SALL1: variants seen among roughly 807,000 people sequenced by gnomAD.
SALL1 encodes spalt like transcription factor 1.
SALL1 carries 10 observed loss-of-function variants against 73.1 expected under a neutral mutation model. The observed-to-expected ratio is 0.14, with a 90% CI of 0.08 to 0.23. The LOEUF (loss-of-function observed/expected upper bound fraction) is 0.23, where lower values mean the gene tolerates loss of function less well. Among genes scored for constraint, SALL1 ranks in the 10% least tolerant of loss-of-function variants. The pLI is 1.00. For synonymous variants in SALL1, 688 were observed against 689.8 expected (o/e 1.00, Z 0.04); for missense variants, 1,520 against 1,697.3 (o/e 0.90, Z 1.84).
chr16:51,151,083 G>T, intron 1 of SALL1, 83 bp downstream of exon 1: 1 of 988,496 alleles, frequency 1.0e-6, no homozygotes, highest in Non-Finnish European at 1.4e-6. Context: ...GGGGCGCGGG[G>T]GCCAGCCGCG....
chr16:51,141,540 C>G lies in SALL1; in HGVS notation c.682G>C (p.Ala228Pro). 1 of 1,614,054 alleles carries G rather than the reference C, an allele frequency of 6.2e-7. No individual in the cohort carries two copies. Among genetic ancestry groups the G allele is most frequent in the East Asian group, 2.2e-5 (1 of 44,878 alleles). ...AGAGCTAGGAGTTGTTCCATGAGGG[C>G]TGGGACGGCCAGCTTGCCCCCAGAG... ...GASGGKLAVP[A>P]LMEQLLALQQ... is the part of the protein sequence containing the mutation. Residue 228 changes from alanine (A) to proline (P), a missense_variant, in exon 2 of 3, where the codon GCC becomes CCC. This residue lies in a region of SALL1 where 540 missense variants were observed against 567.5 expected (regional missense o/e 0.95). Coordinates refer to ENST00000251020, the MANE Select transcript of SALL1 (RefSeq NM_002968.3). This position sits in a 1 kb window ranked among gnomAD's most constrained non-coding sequence, Gnocchi z 5.4.
At position 51,138,974 on chromosome 16, in the gene SALL1, G is replaced by A. The variant is rs1217026855; in HGVS notation, c.3248C>T (p.Ser1083Phe). 23 of 1,614,064 alleles carry A rather than the reference G, an allele frequency of 1.4e-5. No individual in the cohort carries two copies. The highest frequency in any genetic ancestry group is 1.9e-5 in the Non-Finnish European group (23 of 1,180,050). ...SAVIPANSLS[S>F]LIKTEVNGFV... ...GCCGTTGACCTCTGTCTTGATGAGA[G>A]ATGACAACGAGTTGGCGGGAATCAC... The change falls in exon 2 of 3, where the codon TCT becomes TTT. Residue 1083 changes from serine to phenylalanine, a missense_variant. Ser to Phe is a radical substitution (Grantham distance 155, BLOSUM62 -2). Around this residue, in one of 7 missense-constraint regions of SALL1, gnomAD observed 318 missense variants for 357.1 expected, o/e 0.89. Coordinates refer to ENST00000251020, the MANE Select transcript of SALL1 (RefSeq NM_002968.3).
intron 1 of SALL1, among the ~76,000 whole-genome samples, chr16:51,148,886 A>C (rs770532097): frequency 4.1e-4 from 63 of 152,218 alleles, no homozygotes; most frequent in Non-Finnish European, 7.5e-4. Flanking sequence ...CTACTGAAGA[A>C]AAAGAGGAGG....
chr16:51,147,113 T>C (rs1165262001), intron 1 of SALL1, among the ~76,000 whole-genome samples: 3 of 152,358 alleles, frequency 2.0e-5, no homozygotes, highest in Middle Eastern at 3.4e-3. Context: ...GACAACTTGC[T>C]ACCTCCAAAA....
chr16:51,143,408 G>T, intron 1 of SALL1: 1 of 231,298 alleles, frequency 4.3e-6, no homozygotes, highest in Non-Finnish European at 8.3e-6. Context: ...ATCTACGAAG[G>T]CTGTGAAGAA....
In SALL1 at chr16:51,139,243, T is replaced by G; in HGVS notation, c.2979A>C (p.Arg993Ser). The G allele has an allele frequency of 6.2e-7, 1 of 1,614,194 alleles. No homozygotes were observed. ...CAGTGTTTTTAAATTTACCCCGGTCTCTAAAAGGGAAGAGGATCCCCAAAG... is the reference window on the plus strand; with the variant it reads ...CAGTGTTTTTAAATTTACCCCGGTCGCTAAAAGGGAAGAGGATCCCCAAAG... ...EDSLGILFPFRDRGKFKNTAC... is the reference protein window; with the variant it reads ...EDSLGILFPFSDRGKFKNTAC... The change falls in exon 2 of 3, where the codon AGA (arginine) becomes AGC (serine). Residue 993 changes from arginine to serine, a missense_variant. By Grantham distance (110) the Arg-to-Ser change is moderately radical. Coordinates refer to ENST00000251020, the MANE Select transcript of SALL1 (RefSeq NM_002968.3).
At position 51,138,765 on chromosome 16, in the gene SALL1, C is replaced by G. The variant is rs141064360; in HGVS notation, c.3457G>C (p.Glu1153Gln). Residue 1153 changes from glutamate (E) to glutamine (Q), a missense_variant, in exon 2 of 3, where the codon GAG becomes CAG. By Grantham distance (29) the Glu-to-Gln change is conservative (BLOSUM62 2). Transcript: ENST00000251020. ...GGTTTCTCTCCAGTGTGAGTTCTCT[C>G]GTGAATCTGCAGGGCACTCGATGAG... ...FSSSSALQIH[E>Q]RTHTGEKPFA... 1 of 1,614,144 alleles carries G rather than the reference C, an allele frequency of 6.2e-7. No homozygotes were observed. Among genetic ancestry groups the G allele is most frequent in the South Asian group, 1.1e-5 (1 of 91,076 alleles).
intron 1 of SALL1, chr16:51,150,742 C>T: frequency 5.9e-6 from 2 of 337,380 alleles, no homozygotes; most frequent in South Asian, 1.2e-4. Flanking sequence ...GGAGGCCGGG[C>T]CGGGTGCCCT....
chr16:51,139,467 T>C lies in SALL1; in HGVS notation c.2755A>G (p.Ile919Val), dbSNP rs1176629639. Residue 919 changes from isoleucine to valine, a missense_variant, in exon 2 of 3, where the codon ATC (isoleucine) becomes GTC (valine). Ile to Val is a conservative substitution (Grantham distance 29). Around this residue, in one of 7 missense-constraint regions of SALL1, gnomAD observed 266 missense variants for 275.1 expected, o/e 0.97. Coordinates refer to ENST00000251020, the MANE Select transcript of SALL1 (RefSeq NM_002968.3). ...MESQSAGSPAISESTSSMQAL... is the reference protein window; with the variant it reads ...MESQSAGSPAVSESTSSMQAL... The stretch of plus-strand genomic sequence containing the variant: ...TGCATGGAAGAGGTAGACTCTGAGA[T>C]GGCTGGGCTGCCAGCACTTTGGCTT... 1.2e-6 allele frequency: 2 copies of C among 1,614,100 alleles called. No homozygotes were observed. The highest frequency in any genetic ancestry group is 1.7e-6 in the Non-Finnish European group (2 of 1,180,054).
chr16:51,151,127 G>GCGTGTGTGTGTGTC (rs1962595121), intron 1 of SALL1, 39 bp downstream of exon 1: 3 of 1,517,034 alleles, frequency 2.0e-6, no homozygotes, highest in African/African-American at 2.7e-5. Flanking sequence ...GAGTGTGAGT[G>GCGTGTGTGTGTGTC]CGTGTGTGTG....
rs773228308 is a variant in SALL1, at chr16:51,137,457, G to A, written c.3630C>T (p.Pro1210=). ...TCTGGAACATTTCTGGGAACTTGAC[G>A]GGATTGCCTCCTAGAAATGTCATGG... is the stretch of plus-strand genomic sequence containing the variant. ...DGPMTFLGGN[P]VKFPEMFQKD... is the part of the protein sequence containing the mutation. Residue 1210 remains proline (P), a synonymous_variant, in exon 3 of 3, where the codon CCC becomes CCT. Coordinates refer to ENST00000251020, the MANE Select transcript of SALL1 (RefSeq NM_002968.3). 2.6e-5 allele frequency: 42 copies of A among 1,613,954 alleles called. No homozygotes were observed. Among genetic ancestry groups the A allele is most frequent in the Middle Eastern group, 3.3e-4 (2 of 6,084 alleles).
chr16:51,139,023 G>A lies in SALL1; in HGVS notation c.3199C>T (p.Leu1067Phe), dbSNP rs1375814966. 3.7e-6 allele frequency: 6 copies of A among 1,614,078 alleles called. No individual in the cohort carries two copies. The Admixed American group carries it at 6.7e-5, about 18-fold the overall frequency. ...PSQLFEPSSN[L>F]GPNQNSAVIP... ...ACCGCTGAGTTCTGATTGGGGCCAA[G>A]GTTGGAACTGGGCTCAAAGAGCTGG... The change falls in exon 2 of 3, where the codon CTT becomes TTT. Residue 1067 changes from leucine to phenylalanine, a missense_variant. By Grantham distance (22) the Leu-to-Phe change is conservative. Transcript: ENST00000251020.
Position 51,139,446 on chromosome 16 carries a change from T to A in SALL1, c.2776A>T (p.Met926Leu), listed in dbSNP as rs1363143222. 6 of 1,614,158 alleles carry A rather than the reference T, an allele frequency of 3.7e-6. No homozygotes were observed. Among genetic ancestry groups the A allele is most frequent in the Non-Finnish European group, 2.5e-6 (3 of 1,180,030 alleles). Residue 926 changes from methionine (M) to leucine (L), a missense_variant, in exon 2 of 3, where the codon ATG becomes TTG. Met to Leu is a conservative substitution (Grantham distance 15). Around this residue, in one of 7 missense-constraint regions of SALL1, gnomAD observed 266 missense variants for 275.1 expected, o/e 0.97. Transcript: ENST00000251020. ...SPAISESTSS[M>L]QALSPSNSTQ... ...CTGTTGGACGGGGACAGAGCCTGCA[T>A]GGAAGAGGTAGACTCTGAGATGGCT...
In SALL1 at chr16:51,140,953, G is replaced by A; in HGVS notation, c.1269C>T (p.Ala423=). 6.2e-7 allele frequency: 1 copy of A among 1,614,184 alleles called. No individual in the cohort carries two copies. Among genetic ancestry groups the A allele is most frequent in the African/African-American group, 1.3e-5 (1 of 75,034 alleles). ...AEDLNSLSAL[A]QQRKSKPPNV... Reference sequence around the variant, plus strand: ...TTGGTGGCTTGCTTTTTCTTTGCTGGGCCAAGGCAGACAAGGAGTTTAAAT... The same window carrying A: ...TTGGTGGCTTGCTTTTTCTTTGCTGAGCCAAGGCAGACAAGGAGTTTAAAT... The change falls in exon 2 of 3, where the codon GCC becomes GCT. Residue 423 remains alanine, a synonymous_variant. Coordinates refer to ENST00000251020, the MANE Select transcript of SALL1 (RefSeq NM_002968.3). This position sits in a 1 kb window ranked among gnomAD's most constrained non-coding sequence, Gnocchi z 5.7.
At chr16:51,150,210 C>A (rs1353651901) in intron 1 of SALL1, among the ~76,000 whole-genome samples, 1 of 152,200 alleles carries the variant, frequency 6.6e-6, no homozygotes, top group Non-Finnish European at 1.5e-5. Context: ...ACTTGTTCAG[C>A]CCCTTCGGGA....
At chr16:51,137,613 G>T (rs887080576) in intron 2 of SALL1, 61 bp from the exon 3 acceptor site, 1 of 1,349,298 alleles carries the variant, frequency 7.4e-7, no homozygotes, top group Non-Finnish European at 1.0e-6. Flanking sequence ...AAGAGGAGGG[G>T]GAGAGAAGCT....
intron 1 of SALL1, chr16:51,143,416 G>GAA (rs34204387): frequency 0.63 from 155,634 of 247,362 alleles, 43,805 homozygotes; most frequent in East Asian, 0.82. Context: ...AGGCTGTGAA[G>GAA]AAAAAAAAAA....
rs1962431128 is a variant in SALL1, at chr16:51,141,568, C to A, written c.654G>T (p.Gly218=). ...GGACGGCCAGCTTGCCCCCAGAGGC[C>A]CCGCCGCACCTCGCTTCCTGGGAGA... is the stretch of plus-strand genomic sequence containing the variant. ...AQFSQEARCG[G]ASGGKLAVPA... is the part of the protein sequence containing the mutation. Residue 218 remains glycine (G), a synonymous_variant, in exon 2 of 3, where the codon GGG becomes GGT. Transcript: ENST00000251020. This position sits in a 1 kb window ranked among gnomAD's most constrained non-coding sequence, Gnocchi z 5.4. 6.2e-7 allele frequency: 1 copy of A among 1,613,980 alleles called. No homozygotes were observed. Among genetic ancestry groups the A allele is most frequent in the South Asian group, 1.1e-5 (1 of 91,084 alleles).
In SALL1 at chr16:51,140,394, C is replaced by G. The variant is rs183246963; in HGVS notation, c.1828G>C (p.Glu610Gln). The G allele has an allele frequency of 8.7e-6, 14 of 1,614,140 alleles. No homozygotes were observed. In the East Asian group the frequency reaches 2.9e-4, roughly 33 times the overall value. The change falls in exon 2 of 3, where the codon GAG becomes CAG. Residue 610 changes from glutamate to glutamine, a missense_variant. By Grantham distance (29) the Glu-to-Gln change is conservative. Around this residue, in one of 7 missense-constraint regions of SALL1, gnomAD observed 276 missense variants for 259.1 expected, o/e 1.07. Coordinates refer to ENST00000251020, the MANE Select transcript of SALL1 (RefSeq NM_002968.3). The surrounding 1 kb of genome is among the most constrained non-coding windows in gnomAD (Gnocchi z 5.7). Reference protein sequence around the residue: ...SATRNLGGLPEEAEGSTLPPS... With the variant: ...SATRNLGGLPQEAEGSTLPPS... ...GGCAGAGTGGACCCTTCGGCTTCCT[C>G]TGGGAGCCCACCTAGGTTTCTTGTG... is the stretch of plus-strand genomic sequence containing the variant.
Sources: allele counts gnomAD v4.1 joint callset (sites outside exome capture counted in the v4.1 genomes callset), GRCh38; gene constraint gnomAD v4.1.1; regional missense constraint gnomAD v4.1.1; non-coding constraint Gnocchi (gnomAD v3.1); transcripts MANE v1.5; gene names NCBI Gene and HGNC (gene_info 2026-07-23, HGNC 2026-07-21).